The following TRDN variants were observed in gnomAD, a reference collection of about 807,000 sequenced individuals.
TRDN encodes the protein triadin in skeletal muscle.
In TRDN, 161 loss-of-function variants were observed where a neutral mutation model predicts 149.7. The ratio of observed to expected loss-of-function variants is 1.08; its 90% CI spans 0.95 to 1.23. The LOEUF is 1.23. TRDN is among the 50% of genes most tolerant of loss of function. The pLI, the probability that TRDN is intolerant of heterozygous loss-of-function variation, is 0.00. For synonymous variants in TRDN, 294 were observed against 250.5 expected (o/e 1.17, Z -1.64); for missense variants, 896 against 823.5 (o/e 1.09, Z -1.08).
At chr6:123,414,283 C>T (rs2114522024) in intron 12 of TRDN, among the ~76,000 whole-genome samples, 1 of 152,036 alleles carries the variant, frequency 6.6e-6, no homozygotes, top group East Asian at 1.9e-4. Flanking sequence ...TTCTAGAAAC[C>T]ACTGAAATGT....
At chr6:123,326,292 T>C (rs1206283649) in intron 23 of TRDN, among the ~76,000 whole-genome samples, 1 of 152,066 alleles carries the variant, frequency 6.6e-6, no homozygotes, top group Non-Finnish European at 1.5e-5. Flanking sequence ...CAGCTCTAGA[T>C]TTCTACTAGA....
intron 24 of TRDN, among the ~76,000 whole-genome samples, chr6:123,297,514 T>A (rs1401204351): frequency 6.6e-6 from 1 of 152,054 alleles, no homozygotes; most frequent in Admixed American, 6.6e-5. Context: ...CATTATACAA[T>A]GATTATTTAA....
At chr6:123,437,246 C>T (rs144585953) in intron 12 of TRDN, 101 of 225,692 alleles carry the variant, frequency 4.5e-4, no homozygotes, top group African/African-American at 2.2e-3. Flanking sequence ...CAAGGTGGTC[C>T]TCACCTTGAT....
At chr6:123,387,369 A>G (rs530263559) in intron 14 of TRDN, among the ~76,000 whole-genome samples, 3 of 152,310 alleles carry the variant, frequency 2.0e-5, no homozygotes, top group African/African-American at 7.2e-5. Context: ...TAACATAAAT[A>G]ACATATTTTT....
At chr6:123,292,787 T>C (rs1004145309) in intron 24 of TRDN, among the ~76,000 whole-genome samples, 5 of 152,146 alleles carry the variant, frequency 3.3e-5, no homozygotes, top group Non-Finnish European at 5.9e-5. Context: ...CTGTGAACCT[T>C]TGGGGGACCT....
At chr6:123,221,265 AACCATT>A (rs2114498024) in intron 40 of TRDN, among the ~76,000 whole-genome samples, 1 of 151,914 alleles carries the variant, frequency 6.6e-6, no homozygotes, top group Non-Finnish European at 1.5e-5. Flanking sequence ...ATGCCACTTC[AACCATT>A]ACTTGTAACT....
At chr6:123,516,106 CAG>C (rs1779399186) in intron 6 of TRDN, 33 bp downstream of exon 6, 1 of 1,434,534 alleles carries the variant, frequency 7.0e-7, no homozygotes, top group African/African-American at 1.4e-5. Context: ...GGAAAGGACT[CAG>C]TGTGTTAAAC....
intron 4 of TRDN, among the ~76,000 whole-genome samples, chr6:123,540,377 T>C (rs1253626429): frequency 6.7e-6 from 1 of 150,218 alleles, no homozygotes; most frequent in Non-Finnish European, 1.5e-5. Context: ...CTGAAACAAA[T>C]GAAACAGAGG....
At chr6:123,224,009 G>T (rs1775260367) in intron 39 of TRDN, 84 bp downstream of exon 39, 1 of 1,238,882 alleles carries the variant, frequency 8.1e-7, no homozygotes, top group Non-Finnish European at 1.1e-6. Flanking sequence ...ATCAAGAATA[G>T]CTAGGAAAAA....
At chr6:123,359,053 G>A (rs963935312) in intron 20 of TRDN, among the ~76,000 whole-genome samples, 2 of 152,038 alleles carry the variant, frequency 1.3e-5, no homozygotes, top group African/African-American at 4.8e-5. Context: ...GTACTGCCCC[G>A]AGAGGTCATT....
At chr6:123,427,187 G>T (rs965850141) in intron 12 of TRDN, among the ~76,000 whole-genome samples, 7 of 151,698 alleles carry the variant, frequency 4.6e-5, no homozygotes, top group South Asian at 2.1e-4. Context: ...TGCTGGAATA[G>T]GCAGTCAGAA....
At chr6:123,608,211 G>A (rs1234811835) in intron 1 of TRDN, among the ~76,000 whole-genome samples, 1 of 151,768 alleles carries the variant, frequency 6.6e-6, no homozygotes, top group African/African-American at 2.4e-5. Flanking sequence ...CTGATTGATT[G>A]GGTAAATTAT....
At chr6:123,493,020 C>T (rs926007656) in intron 9 of TRDN, among the ~76,000 whole-genome samples, 1 of 152,066 alleles carries the variant, frequency 6.6e-6, no homozygotes, top group African/African-American at 2.4e-5. Flanking sequence ...ACCATCGGCA[C>T]AACCAAAGAT....
At chr6:123,348,999 A>G (rs1000255371) in intron 21 of TRDN, among the ~76,000 whole-genome samples, 8 of 152,142 alleles carry the variant, frequency 5.3e-5, no homozygotes, top group African/African-American at 1.9e-4. Flanking sequence ...GCAGACCTCT[A>G]TGAGAAATTA....
chr6:123,401,113 T>C (rs1475972225), intron 12 of TRDN, among the ~76,000 whole-genome samples: 1 of 152,204 alleles, frequency 6.6e-6, no homozygotes, highest in Non-Finnish European at 1.5e-5. Context: ...ATGTGGCAAT[T>C]ATCCTCACAA....
chr6:123,438,961 G>T lies in TRDN; in HGVS notation c.974C>A (p.Ser325Tyr). 2 of 1,561,218 alleles carry T rather than the reference G, an allele frequency of 1.3e-6. No homozygotes were observed. Among genetic ancestry groups the T allele is most frequent in the Non-Finnish European group, 1.7e-6 (2 of 1,151,502 alleles). ...TTTCCTACCTTTCTTTTTTGTTTCA[G>T]AAGTAACTTTCTTCTCAGCCTTCTT... ...EKKKAEKKVT[S>Y]ETKKKEKEDI... The change falls in exon 11 of 41, where the codon TCT becomes TAT. Residue 325 changes from serine (S) to tyrosine (Y), a missense_variant. Coordinates refer to ENST00000334268, the MANE Select transcript of TRDN (RefSeq NM_006073.4).
At chr6:123,502,491 A>G in intron 8 of TRDN, 1 of 888,736 alleles carries the variant, frequency 1.1e-6, no homozygotes, top group Non-Finnish European at 1.3e-6. Context: ...TTCCTTTTTA[A>G]AATATATATT....
At chr6:123,383,775 C>G (rs1289025778) in intron 14 of TRDN, among the ~76,000 whole-genome samples, 1 of 151,936 alleles carries the variant, frequency 6.6e-6, no homozygotes, top group Non-Finnish European at 1.5e-5. Flanking sequence ...TAGTTGTGGA[C>G]AGATTAAATA....
At chr6:123,258,023 G>A (rs1776624454) in intron 35 of TRDN, among the ~76,000 whole-genome samples, 2 of 152,134 alleles carry the variant, frequency 1.3e-5, no homozygotes, top group African/African-American at 4.8e-5. Flanking sequence ...ACCAGCTCAA[G>A]GAGTTTTGGG....
Sources: gnomAD v4.1 joint callset for allele counts (sites outside exome capture counted in the v4.1 genomes callset) on GRCh38, gnomAD v4.1.1 for gene constraint, MANE v1.5 for transcripts, NCBI Gene and HGNC (gene_info 2026-07-23, HGNC 2026-07-21) for gene names.